The following EFNA2 variants were observed in gnomAD, a reference collection of about 807,000 sequenced individuals.
EFNA2 encodes ephrin A2, also known as ephrin-A2.
In EFNA2, 18 loss-of-function variants were observed where a neutral mutation model predicts 19.7. That is an observed-to-expected ratio of 0.91 (90% CI 0.63 to 1.35). EFNA2 has a LOEUF of 1.35. EFNA2 is among the 40% of genes most tolerant of loss of function. The pLI, the probability that EFNA2 is intolerant of heterozygous loss-of-function variation, is 0.00. For synonymous variants in EFNA2, 187 were observed against 137.8 expected, an observed-to-expected ratio of 1.36 and a Z score of -2.50; for missense variants, 303 against 296.0, an observed-to-expected ratio of 1.02 and a Z score of -0.17.
intron 1 of EFNA2, among the ~76,000 whole-genome samples, chr19:1,290,027 A>G (rs1321754323): frequency 6.6e-6 from 1 of 151,842 alleles, no homozygotes; most frequent in Non-Finnish European, 1.5e-5. Context: ...ACCTGGACTC[A>G]GACTCGGGAG....
chr19:1,289,434 G>A (rs1019102273), intron 1 of EFNA2, among the ~76,000 whole-genome samples: 2 of 152,202 alleles, frequency 1.3e-5, no homozygotes, highest in African/African-American at 4.8e-5. Flanking sequence ...TGGGGGCAGT[G>A]GTGGCCCCAG....
chr19:1,298,752 G>C, intron 3 of EFNA2, 136 bp downstream of exon 3: 2 of 914,756 alleles, frequency 2.2e-6, no homozygotes, highest in Middle Eastern at 2.2e-4. Flanking sequence ...CCCCAGCCTC[G>C]ATTTCCCCGT....
chr19:1,287,380 G>GC lies in EFNA2; in HGVS notation c.140+1081dup, dbSNP rs202192520. On this transcript the variant is annotated intron_variant, in intron 1 of 3. Transcript: ENST00000215368. The surrounding 1 kb of genome is among the most constrained non-coding windows in gnomAD (Gnocchi z 6.2). Reference sequence around the variant, plus strand: ...GAGCTGCACATCGGGGGCTGAGGCGGCCCCCCCCCACTCTTCTGCTACTGG... The same window carrying GC: ...GAGCTGCACATCGGGGGCTGAGGCGGCCCCCCCCCCACTCTTCTGCTACTGG... Among the ~76,000 whole-genome samples, 361 of 150,798 alleles carry GC rather than the reference G, an allele frequency of 2.4e-3. 2 individuals carry two copies. Among genetic ancestry groups the GC allele is most frequent in the African/African-American group, 4.4e-3 (179 of 41,104 alleles).
chr19:1,295,928 G>GTCCC lies in EFNA2; in HGVS notation c.454+70_454+71insTCCC. On this transcript the variant is annotated intron_variant, in intron 2 of 3. Coordinates refer to ENST00000215368, the MANE Select transcript of EFNA2 (RefSeq NM_001405.4). The surrounding 1 kb of genome is among the most constrained non-coding windows in gnomAD (Gnocchi z 5.8). ...GACGCGGGGGCGGGGCCAGGAAGTG[G>GTCCC]GCGGGACCACTGGGGTGGGGCCGGG... The GTCCC allele has an allele frequency of 7.0e-7, 1 of 1,432,664 alleles. No homozygotes were observed. The highest frequency in any genetic ancestry group is 9.2e-7 in the Non-Finnish European group (1 of 1,082,510). 88.7% of individuals were successfully genotyped at this position (1,432,664 alleles called of 1,614,324 possible).
Position 1,295,671 on chromosome 19 carries a change from C to G in EFNA2, c.267C>G (p.Tyr89Ter). The G allele has an allele frequency of 6.2e-7, 1 of 1,611,382 alleles. No individual in the cohort carries two copies. Among genetic ancestry groups the G allele is most frequent in the South Asian group, 1.1e-5 (1 of 90,804 alleles). The stretch of plus-strand genomic sequence containing the variant: ...CGCCGGCCGAGCGCATGGAGCACTA[C>G]GTGCTGTACATGGTCAACGGCGAGG... ...PLPPAERMEHYVLYMVNGEGH... is the reference protein window; with the variant it reads ...PLPPAERMEH The change falls in exon 2 of 4, where the codon TAC becomes TAG. Residue 89 changes from tyrosine to a stop codon, truncating the protein, a stop_gained. Coordinates refer to ENST00000215368, the MANE Select transcript of EFNA2 (RefSeq NM_001405.4). LOFTEE classifies it high-confidence loss of function. This position sits in a 1 kb window ranked among gnomAD's most constrained non-coding sequence, Gnocchi z 5.8.
At chr19:1,284,852 C>T (rs1181556065), upstream of EFNA2, among the ~76,000 whole-genome samples, 5 of 152,248 alleles carry the variant, frequency 3.3e-5, no homozygotes, top group African/African-American at 1.2e-4. The surrounding 1 kb of genome is among the most constrained non-coding windows in gnomAD (Gnocchi z 5.3). Context: ...ACGTACAACA[C>T]GATCTGGGCA....
In EFNA2 at chr19:1,289,728, A is replaced by G. The variant is rs191878905; in HGVS notation, c.140+3420A>G. Reference sequence around the variant, plus strand: ...GGCAGCAGCCGGGTTCCCCTCAAACACTGGATGGAAAATGGTGACCTATGC... The same window carrying G: ...GGCAGCAGCCGGGTTCCCCTCAAACGCTGGATGGAAAATGGTGACCTATGC... On this transcript the variant is annotated intron_variant, in intron 1 of 3. Coordinates refer to ENST00000215368, the MANE Select transcript of EFNA2 (RefSeq NM_001405.4). Among the ~76,000 whole-genome samples, 82 of 152,102 alleles carry G rather than the reference A, an allele frequency of 5.4e-4. 1 individual carries two copies. The East Asian group carries it at 0.013, about 25-fold the overall frequency.
At chr19:1,291,896 C>A (rs1600056856) in intron 1 of EFNA2, among the ~76,000 whole-genome samples, 1 of 152,164 alleles carries the variant, frequency 6.6e-6, no homozygotes, top group Admixed American at 6.5e-5. Context: ...TGGAGGGCTG[C>A]CTGGAGGCGT....
Position 1,295,988 on chromosome 19 carries a change from G to C in EFNA2, c.454+130G>C, listed in dbSNP as rs1212494905. The stretch of plus-strand genomic sequence containing the variant: ...GGGCAGCGCAGTGGGCGGGGCCGCG[G>C]TGTGGGGCCAGGGGGGAGTGGGCGG... On this transcript the variant is annotated intron_variant, in intron 2 of 3. Coordinates refer to ENST00000215368, the MANE Select transcript of EFNA2 (RefSeq NM_001405.4). This position sits in a 1 kb window ranked among gnomAD's most constrained non-coding sequence, Gnocchi z 5.8. The C allele has an allele frequency of 1.4e-6, 1 of 734,208 alleles. No homozygotes were observed. Among genetic ancestry groups the C allele is most frequent in the Non-Finnish European group, 1.9e-6 (1 of 520,224 alleles). 45.5% of individuals were successfully genotyped at this position (734,208 alleles called of 1,614,324 possible).
rs1006337273 is a variant in EFNA2, at chr19:1,300,086, C to T, written c.*141C>T. The T allele has an allele frequency of 4.0e-5, 49 of 1,230,420 alleles. No individual in the cohort carries two copies. In the East Asian group the frequency reaches 8.9e-4, roughly 22 times the overall value. The allele number at this position is 1,230,420 out of a possible 1,614,324, so 76.2% of individuals were successfully genotyped here. ...CTCCCTCGCCTGGTGCCGCCCCCGC[C>T]GGGCAGGGGCCATCCACCCGCCCCA... On this transcript the variant is annotated 3_prime_UTR_variant, in exon 4 of 4. Coordinates refer to ENST00000215368, the MANE Select transcript of EFNA2 (RefSeq NM_001405.4).
intron 3 of EFNA2, among the ~76,000 whole-genome samples, chr19:1,299,547 C>T (rs1203116158): frequency 3.4e-5 from 5 of 146,870 alleles, no homozygotes; most frequent in Non-Finnish European, 7.4e-5. Flanking sequence ...GGTGAGACTC[C>T]GTCTCAAAAA....
chr19:1,295,458 C>T lies in EFNA2; in HGVS notation c.141-87C>T. 2.2e-6 allele frequency: 3 copies of T among 1,353,710 alleles called. No homozygotes were observed. The highest frequency in any genetic ancestry group is 2.9e-6 in the Non-Finnish European group (3 of 1,029,330). 83.9% of individuals were successfully genotyped at this position (1,353,710 alleles called of 1,614,324 possible). ...CCCGACCCGTCCCTCGTGCTCCTGT[C>T]CCCTGACCCTGGCCCTCCCCGCGCA... is the stretch of plus-strand genomic sequence containing the variant. On this transcript the variant is annotated intron_variant, in intron 1 of 3. Transcript: ENST00000215368. The surrounding 1 kb of genome is among the most constrained non-coding windows in gnomAD (Gnocchi z 5.8).
chr19:1,287,790 G>A lies in EFNA2; in HGVS notation c.140+1482G>A, dbSNP rs1039754316. ...GGAGTCCAGCGGGCAGCGCTTCCCC[G>A]GCCCAAGTTTTTGGTTTCAGCTGCG... On this transcript the variant is annotated intron_variant, in intron 1 of 3. Coordinates refer to ENST00000215368, the MANE Select transcript of EFNA2 (RefSeq NM_001405.4). The surrounding 1 kb of genome is among the most constrained non-coding windows in gnomAD (Gnocchi z 6.2). Among the ~76,000 whole-genome samples, 3 of 152,240 alleles carry A rather than the reference G, an allele frequency of 2.0e-5. No individual in the cohort carries two copies. Among genetic ancestry groups the A allele is most frequent in the African/African-American group, 4.8e-5 (2 of 41,468 alleles).
chr19:1,292,877 G>C (rs1242115703), intron 1 of EFNA2, among the ~76,000 whole-genome samples: 2 of 152,136 alleles, frequency 1.3e-5, no homozygotes, highest in African/African-American at 4.8e-5. Context: ...CAGAAGCCTC[G>C]GTCTCTGACA....
Position 1,300,154 on chromosome 19 carries a change from C to T in EFNA2, c.*209C>T, listed in dbSNP as rs1426113929. On this transcript the variant is annotated 3_prime_UTR_variant, in exon 4 of 4. Coordinates refer to ENST00000215368, the MANE Select transcript of EFNA2 (RefSeq NM_001405.4). ...GGGGAAACGGCCGAGAGCCCCCCCCCGGAGGCCCGAGGGGCCGGGGTGTGG... is the reference window on the plus strand; with the variant it reads ...GGGGAAACGGCCGAGAGCCCCCCCCTGGAGGCCCGAGGGGCCGGGGTGTGG... 1 of 614,818 alleles carries T rather than the reference C, an allele frequency of 1.6e-6. No individual in the cohort carries two copies. The highest frequency in any genetic ancestry group is 2.5e-6 in the Non-Finnish European group (1 of 393,266). The allele number at this position is 614,818 out of a possible 1,614,324, so 38.1% of individuals were successfully genotyped here.
Position 1,294,383 on chromosome 19 carries a change from C to T in EFNA2, c.141-1162C>T, listed in dbSNP as rs2081504759. 6.6e-6 allele frequency among the ~76,000 whole-genome samples: 1 copy of T among 152,148 alleles called. No homozygotes were observed. The highest frequency in any genetic ancestry group is 1.5e-5 in the Non-Finnish European group (1 of 68,016). Reference sequence around the variant, plus strand: ...TCTATCCTCACAGACGAGGCTGGGTCAGGGGGCTCCCTGGAGGAAGGGGCC... The same window carrying T: ...TCTATCCTCACAGACGAGGCTGGGTTAGGGGGCTCCCTGGAGGAAGGGGCC... On this transcript the variant is annotated intron_variant, in intron 1 of 3. Transcript: ENST00000215368. This position sits in a 1 kb window ranked among gnomAD's most constrained non-coding sequence, Gnocchi z 5.8.
In EFNA2 at chr19:1,300,022, T is replaced by G; in HGVS notation, c.*77T>G. ...CTGACCTCGGCCCTCCGGACCCGGCTGCGGCCCCCGCCTCCGAGACCAAAT... is the reference window on the plus strand; with the variant it reads ...CTGACCTCGGCCCTCCGGACCCGGCGGCGGCCCCCGCCTCCGAGACCAAAT... On this transcript the variant is annotated 3_prime_UTR_variant, in exon 4 of 4. Transcript: ENST00000215368. 1 of 1,481,892 alleles carries G rather than the reference T, an allele frequency of 6.7e-7. No individual in the cohort carries two copies. The highest frequency in any genetic ancestry group is 1.4e-5 in the African/African-American group (1 of 70,284). The allele number at this position is 1,481,892 out of a possible 1,614,324, so 91.8% of individuals were successfully genotyped here. A position where few individuals can be genotyped will look rare whatever the true frequency, so the allele number is the denominator to read the frequency against.
In EFNA2 at chr19:1,296,277, G is replaced by A. The variant is rs1271261493; in HGVS notation, c.454+419G>A. 6.6e-6 allele frequency among the ~76,000 whole-genome samples: 1 copy of A among 152,312 alleles called. No homozygotes were observed. Among genetic ancestry groups the A allele is most frequent in the South Asian group, 2.1e-4 (1 of 4,822 alleles). On this transcript the variant is annotated intron_variant, in intron 2 of 3. Coordinates refer to ENST00000215368, the MANE Select transcript of EFNA2 (RefSeq NM_001405.4). This position sits in a 1 kb window ranked among gnomAD's most constrained non-coding sequence, Gnocchi z 4.4. ...AGACCACTTGGTGGTTGGGCCAGTA[G>A]ACCTGGCTCAGCCCCCCGATAGCGA...
In EFNA2 at chr19:1,295,005, CAG is replaced by C. The variant is rs1431620749; in HGVS notation, c.141-539_141-538del. ...GAACCCCCCGCCGGCCCTTTGCACACAGGGGTCCAGATGTCACCCACCTGGAC... is the reference window on the plus strand; with the variant it reads ...GAACCCCCCGCCGGCCCTTTGCACACGGGTCCAGATGTCACCCACCTGGAC... On this transcript the variant is annotated intron_variant, in intron 1 of 3. Transcript: ENST00000215368. The surrounding 1 kb of genome is among the most constrained non-coding windows in gnomAD (Gnocchi z 5.8). Among the ~76,000 whole-genome samples, 1 of 152,134 alleles carries C rather than the reference CAG, an allele frequency of 6.6e-6. No homozygotes were observed. Among genetic ancestry groups the C allele is most frequent in the African/African-American group, 2.4e-5 (1 of 41,420 alleles).
Sources: gnomAD v4.1 joint callset for allele counts (sites outside exome capture counted in the v4.1 genomes callset) on GRCh38, gnomAD v4.1.1 for gene constraint, Gnocchi (gnomAD v3.1) non-coding constraint, MANE v1.5 for transcripts, NCBI Gene and HGNC (gene_info 2026-07-23, HGNC 2026-07-21) for gene names.